Variants in MKRN1 observed in about 807,000 individuals in gnomAD.
The protein encoded by MKRN1 is makorin ring finger protein 1, also known as E3 ubiquitin-protein ligase makorin-1.
Under a neutral mutation model 55.5 loss-of-function variants are expected in MKRN1, and 9 were observed. That is an observed-to-expected ratio of 0.16 (90% CI 0.10 to 0.28). The LOEUF (loss-of-function observed/expected upper bound fraction) is 0.28, where lower values mean the gene tolerates loss of function less well. Ranked by LOEUF, MKRN1 falls within the 10% of genes least tolerant of loss-of-function variation. The probability of loss-of-function intolerance (pLI) is 1.00; values close to 1 mark genes in which losing one functional copy is unlikely to be tolerated. For missense variants in MKRN1, 488 were observed against 626.7 expected (o/e 0.78, Z 2.36); for synonymous variants, 253 against 235.9 (o/e 1.07, Z -0.66).
intron 1 of MKRN1, among the ~76,000 whole-genome samples, chr7:140,477,478 G>A (rs1378855744): frequency 6.6e-6 from 1 of 152,098 alleles, no homozygotes; most frequent in Admixed American, 6.6e-5. Flanking sequence ...CTGTCACCAC[G>A]CCCGGCTAAT....
chr7:140,455,378 G>A (rs970664036), intron 6 of MKRN1, 145 bp from the exon 7 acceptor site: 1 of 982,278 alleles, frequency 1.0e-6, no homozygotes, highest in Admixed American at 2.7e-5. Context: ...ATAAACATGT[G>A]TGTGCCAATG....
At chr7:140,479,532 T>C (rs2130388566), upstream of MKRN1, 1 of 536,660 alleles carries the variant, frequency 1.9e-6, no homozygotes, top group Middle Eastern at 5.5e-4. Context: ...GCCCAGAGCA[T>C]GCGCGCCCGC....
At chr7:140,463,721 TA>T (rs1263623337) in intron 2 of MKRN1, among the ~76,000 whole-genome samples, 4 of 151,824 alleles carry the variant, frequency 2.6e-5, no homozygotes, top group African/African-American at 7.3e-5. Flanking sequence ...TCGTCTCTAC[TA>T]AAAATACAAA....
At chr7:140,473,189 C>G (rs1794986113) in intron 1 of MKRN1, 6 of 409,890 alleles carry the variant, frequency 1.5e-5, no homozygotes, top group Non-Finnish European at 2.8e-5. Flanking sequence ...AAGTATATGT[C>G]TTGTTTTTAA....
At chr7:140,461,239 C>A (rs1474257293) in intron 2 of MKRN1, among the ~76,000 whole-genome samples, 1 of 152,218 alleles carries the variant, frequency 6.6e-6, no homozygotes, top group Non-Finnish European at 1.5e-5. Flanking sequence ...CATCCATTCA[C>A]CATTTCCCCT....
At chr7:140,463,657 G>C (rs1021630650) in intron 2 of MKRN1, among the ~76,000 whole-genome samples, 1 of 152,032 alleles carries the variant, frequency 6.6e-6, no homozygotes, top group African/African-American at 2.4e-5. Context: ...AGGCCAAGGT[G>C]GGCGGATCAC....
At chr7:140,463,853 C>T (rs1053436707) in intron 2 of MKRN1, among the ~76,000 whole-genome samples, 2 of 151,878 alleles carry the variant, frequency 1.3e-5, no homozygotes, top group Admixed American at 1.3e-4. Flanking sequence ...CGCGCCACTG[C>T]ACTCCAGCCT....
At chr7:140,463,062 C>G (rs955124233) in intron 2 of MKRN1, among the ~76,000 whole-genome samples, 1 of 152,170 alleles carries the variant, frequency 6.6e-6, no homozygotes, top group Non-Finnish European at 1.5e-5. Flanking sequence ...GAGTTCGAGA[C>G]CAGCCTGGCC....
Position 140,455,179 on chromosome 7 carries a change from C to G in MKRN1, c.1152G>C (p.Gly384=). The change falls in exon 7 of 8, where the codon GGG becomes GGC. Residue 384 remains glycine (G), a synonymous_variant. Transcript: ENST00000255977. ...DEGRGSCPFG[G]NCFYKHAYPD... ...GGTACGCATGCTTGTAAAAACAGTTCCCTCCAAATGGGCAGCTCCCACGTC... is the reference window on the plus strand; with the variant it reads ...GGTACGCATGCTTGTAAAAACAGTTGCCTCCAAATGGGCAGCTCCCACGTC... The G allele has an allele frequency of 1.2e-6, 2 of 1,614,076 alleles. No individual in the cohort carries two copies. Among genetic ancestry groups the G allele is most frequent in the Non-Finnish European group, 1.7e-6 (2 of 1,180,022 alleles).
At chr7:140,455,360 G>C in intron 6 of MKRN1, 127 bp from the exon 7 acceptor site, 1 of 1,186,658 alleles carries the variant, frequency 8.4e-7, no homozygotes, top group South Asian at 1.5e-5. Flanking sequence ...TCCCCAAGAT[G>C]TGTTCTTATA....
At chr7:140,463,778 G>A (rs1026956458) in intron 2 of MKRN1, among the ~76,000 whole-genome samples, 4 of 151,960 alleles carry the variant, frequency 2.6e-5, no homozygotes, top group East Asian at 1.9e-4. Flanking sequence ...CCAGCTACTC[G>A]GGAGGCTGAG....
chr7:140,463,303 T>C (rs1794675469), intron 2 of MKRN1, among the ~76,000 whole-genome samples: 1 of 152,222 alleles, frequency 6.6e-6, no homozygotes, highest in South Asian at 2.1e-4. Context: ...TTCTATCATT[T>C]TAGAGATGAC....
chr7:140,456,008 C>A, intron 5 of MKRN1, 108 bp from the exon 6 acceptor site: 1 of 1,086,078 alleles, frequency 9.2e-7, no homozygotes, highest in Non-Finnish European at 1.4e-6. Context: ...AACTGAAAGG[C>A]ACGTGGGCAT....
intron 2 of MKRN1, among the ~76,000 whole-genome samples, chr7:140,467,598 C>G (rs898254027): frequency 1.3e-5 from 2 of 152,154 alleles, no homozygotes; most frequent in African/African-American, 2.4e-5. Context: ...TTGGAGCCAT[C>G]TGCATCTGCC....
At chr7:140,470,322 C>T (rs1224183578) in intron 2 of MKRN1, among the ~76,000 whole-genome samples, 2 of 151,972 alleles carry the variant, frequency 1.3e-5, no homozygotes, top group Non-Finnish European at 2.9e-5. Context: ...CCATGGCTCA[C>T]GGCTGTAATC....
At chr7:140,465,857 GGATCAGGAGGTCA>G (rs1168973941) in intron 2 of MKRN1, among the ~76,000 whole-genome samples, 2 of 152,056 alleles carry the variant, frequency 1.3e-5, no homozygotes, top group Non-Finnish European at 2.9e-5. Context: ...CGAGGTGGGC[GGATCAGGAGGTCA>G]GAAGATCGAG....
At chr7:140,463,657 G>A (rs1021630650) in intron 2 of MKRN1, among the ~76,000 whole-genome samples, 22 of 152,030 alleles carry the variant, frequency 1.4e-4, no homozygotes, top group Admixed American at 5.2e-4. Flanking sequence ...AGGCCAAGGT[G>A]GGCGGATCAC....
intron 1 of MKRN1, among the ~76,000 whole-genome samples, chr7:140,476,993 G>GA (rs1458639250): frequency 6.6e-6 from 1 of 151,494 alleles, no homozygotes; most frequent in Non-Finnish European, 1.5e-5. Flanking sequence ...TGTAATGCCA[G>GA]AGACTGAGGC....
chr7:140,479,394 G>A lies in MKRN1; in HGVS notation c.-50C>T. ...GCCCCGGAACTTCCGGGATCACATAGTTCCGGTCCGGCTGCGGGGAGAGGA... is the reference window on the plus strand; with the variant it reads ...GCCCCGGAACTTCCGGGATCACATAATTCCGGTCCGGCTGCGGGGAGAGGA... On this transcript the variant is annotated 5_prime_UTR_variant, in exon 1 of 8. Transcript: ENST00000255977. The A allele has an allele frequency of 7.9e-7, 1 of 1,266,948 alleles. No individual in the cohort carries two copies. Among genetic ancestry groups the A allele is most frequent in the African/African-American group, 1.5e-5 (1 of 64,626 alleles). The allele number at this position is 1,266,948 out of a possible 1,614,324, so 78.5% of individuals were successfully genotyped here.
Sources: gnomAD v4.1 joint callset for allele counts (sites outside exome capture counted in the v4.1 genomes callset) on GRCh38, gnomAD v4.1.1 for gene constraint, MANE v1.5 for transcripts, NCBI Gene and HGNC (gene_info 2026-07-23, HGNC 2026-07-21) for gene names.